C2orf69: variants seen among roughly 807,000 people sequenced by gnomAD.
C2orf69 encodes the protein mitochondrial protein C2orf69.
In C2orf69, 19 loss-of-function variants were observed where a neutral mutation model predicts 29.5. That is an observed-to-expected ratio of 0.65 (90% CI 0.45 to 0.95). C2orf69 has a LOEUF of 0.95. Ranked by LOEUF, C2orf69 falls within the 40% of genes least tolerant of loss-of-function variation. The pLI, the probability that C2orf69 is intolerant of heterozygous loss-of-function variation, is 0.00. For missense variants in C2orf69, 416 were observed against 482.1 expected (o/e 0.86, Z 1.28); for synonymous variants, 194 against 180.0 (o/e 1.08, Z -0.62).
At chr2:199,920,699 G>A (rs1287501528) in intron 1 of C2orf69, among the ~76,000 whole-genome samples, 3 of 151,948 alleles carry the variant, frequency 2.0e-5, no homozygotes, top group Non-Finnish European at 4.4e-5. Flanking sequence ...GCTCATGCCT[G>A]TAATCCCAGC....
chr2:199,925,050 C>G lies in C2orf69; in HGVS notation c.334-12C>G. The G allele has an allele frequency of 6.8e-7, 1 of 1,477,770 alleles. No homozygotes were observed. 91.5% of individuals were successfully genotyped at this position (1,477,770 alleles called of 1,614,324 possible). ...TGTATTTAATACTTATTTCATCTTT[C>G]TTACCTTTCAGAATTACCATGAAAT... On this transcript the variant is annotated splice_polypyrimidine_tract_variant and intron_variant, in intron 1 of 1. Coordinates refer to ENST00000319974, the MANE Select transcript of C2orf69 (RefSeq NM_153689.6). This position sits in a 1 kb window ranked among gnomAD's most constrained non-coding sequence, Gnocchi z 4.9.
intron 1 of C2orf69, among the ~76,000 whole-genome samples, chr2:199,913,241 T>TG (rs2077277348): frequency 3.2e-5 from 1 of 31,142 alleles, no homozygotes; most frequent in Non-Finnish European, 5.8e-5. Context: ...ATAATATATA[T>TG]AATATATATT....
chr2:199,925,187 C>A lies in C2orf69; in HGVS notation c.459C>A (p.Ser153=). The A allele has an allele frequency of 6.2e-7, 1 of 1,612,670 alleles. No homozygotes were observed. The highest frequency in any genetic ancestry group is 8.5e-7 in the Non-Finnish European group (1 of 1,179,716). Residue 153 remains serine, a synonymous_variant, in exon 2 of 2, where the codon TCC becomes TCA. Transcript: ENST00000319974. The surrounding 1 kb of genome is among the most constrained non-coding windows in gnomAD (Gnocchi z 4.9). ...PNSYIWVIKC[S]RMHLHKFSCY... ...GTTATATTTGGGTGATAAAATGTTCCCGAATGCATTTGCACAAATTCAGCT... is the reference window on the plus strand; with the variant it reads ...GTTATATTTGGGTGATAAAATGTTCACGAATGCATTTGCACAAATTCAGCT...
chr2:199,917,768 T>C (rs2077298996), intron 1 of C2orf69, among the ~76,000 whole-genome samples: 2 of 152,232 alleles, frequency 1.3e-5, no homozygotes, highest in African/African-American at 4.8e-5. Context: ...AGCTCCAAAG[T>C]TGCTTCCACA....
chr2:199,916,455 C>CA (rs2077293222), intron 1 of C2orf69, among the ~76,000 whole-genome samples: 1 of 152,192 alleles, frequency 6.6e-6, no homozygotes, highest in African/African-American at 2.4e-5. Flanking sequence ...AACAGTTCCC[C>CA]AAAGTCTTAA....
At chr2:199,922,581 A>C (rs905535952) in intron 1 of C2orf69, among the ~76,000 whole-genome samples, 10 of 152,214 alleles carry the variant, frequency 6.6e-5, no homozygotes, top group African/African-American at 2.4e-4. Context: ...AGAATTACTA[A>C]GTCAAAAGGA....
In C2orf69 at chr2:199,926,062, G is replaced by T. The variant is rs1321370236; in HGVS notation, c.*176G>T. ...GCAATAGTATTTTTTGCTTGTGAAT[G>T]TGAGCAGTTATTAATTTGGATTGAG... On this transcript the variant is annotated 3_prime_UTR_variant, in exon 2 of 2. Transcript: ENST00000319974. 2 of 551,242 alleles carry T rather than the reference G, an allele frequency of 3.6e-6. No individual in the cohort carries two copies. The highest frequency in any genetic ancestry group is 6.4e-6 in the Non-Finnish European group (2 of 310,598). 34.1% of individuals were successfully genotyped at this position (551,242 alleles called of 1,614,324 possible). A position where few individuals can be genotyped will look rare whatever the true frequency, so the allele number is the denominator to read the frequency against.
In C2orf69 at chr2:199,911,309, T is replaced by C. The variant is rs1034571173; in HGVS notation, c.-130T>C. Reference sequence around the variant, plus strand: ...GACGTCGGCCTCTGACGTCGTCGCCTCAGCGCCGGCTCCCGGCCGGGCCGC... The same window carrying C: ...GACGTCGGCCTCTGACGTCGTCGCCCCAGCGCCGGCTCCCGGCCGGGCCGC... On this transcript the variant is annotated 5_prime_UTR_variant, in exon 1 of 2. Transcript: ENST00000319974. 2 of 1,173,876 alleles carry C rather than the reference T, an allele frequency of 1.7e-6. No homozygotes were observed. The highest frequency in any genetic ancestry group is 2.2e-6 in the Non-Finnish European group (2 of 894,560). The allele number at this position is 1,173,876 out of a possible 1,614,324, so 72.7% of individuals were successfully genotyped here.
At chr2:199,914,445 C>T (rs1249826019) in intron 1 of C2orf69, among the ~76,000 whole-genome samples, 4 of 152,032 alleles carry the variant, frequency 2.6e-5, no homozygotes, top group Non-Finnish European at 5.9e-5. Context: ...TCTTTCATAC[C>T]TCATTTCATC....
chr2:199,924,823 G>A (rs973968997), intron 1 of C2orf69, among the ~76,000 whole-genome samples: 1 of 152,050 alleles, frequency 6.6e-6, no homozygotes, highest in Non-Finnish European at 1.5e-5. Flanking sequence ...ACTGTTTCAT[G>A]TAGGTATAAC....
Position 199,911,542 on chromosome 2 carries a change from C to T in C2orf69, c.104C>T (p.Pro35Leu). The change falls in exon 1 of 2, where the codon CCG (proline) becomes CTG (leucine). Residue 35 changes from proline to leucine, a missense_variant. By Grantham distance (98) the Pro-to-Leu change is moderately conservative (BLOSUM62 -3). Transcript: ENST00000319974. ...SSCSQARTMN[P>L]GGSGGARCSL... ...TGCTCTCAGGCCAGAACCATGAACCCGGGCGGCAGCGGCGGCGCGCGATGC... is the reference window on the plus strand; with the variant it reads ...TGCTCTCAGGCCAGAACCATGAACCTGGGCGGCAGCGGCGGCGCGCGATGC... 2 of 1,549,742 alleles carry T rather than the reference C, an allele frequency of 1.3e-6. No homozygotes were observed. The highest frequency in any genetic ancestry group is 1.2e-5 in the South Asian group (1 of 84,030).
rs1553566021 is a variant in C2orf69 at position 199,922,031 on chromosome 2, T to TCATATATATATATATATATATATA, written c.334-3031_334-3030insCATATATATATATATATATATATA. ...TTCCCCAAGGCTGCCACTGTTATTT[T>TCATATATATATATATATATATATA]TATATATATATATATATATATATGC... On this transcript the variant is annotated intron_variant, in intron 1 of 1. Coordinates refer to ENST00000319974, the MANE Select transcript of C2orf69 (RefSeq NM_153689.6). Among the ~76,000 whole-genome samples the TCATATATATATATATATATATATA allele has an allele frequency of 3.8e-5, 3 of 78,970 alleles. No homozygotes were observed. In the East Asian group the frequency reaches 1.4e-3, roughly 38 times the overall value. The allele number at this position is 78,970 out of a possible 152,430, so 51.8% of individuals were successfully genotyped here. A position where few individuals can be genotyped will look rare whatever the true frequency, so the allele number is the denominator to read the frequency against.
rs148460951 is a variant in C2orf69 at position 199,915,806 on chromosome 2, C to T, written c.333+4035C>T. 8.1e-3 allele frequency among the ~76,000 whole-genome samples: 1,240 copies of T among 152,234 alleles called. 16 individuals are homozygous for T. Among genetic ancestry groups the T allele is most frequent in the African/African-American group, 0.028 (1,147 of 41,546 alleles). ...TGCTGGGATTATAGATGTGAGCCAC[C>T]GCACCTGGCCTGAAGCTTCACCTAT... On this transcript the variant is annotated intron_variant, in intron 1 of 1. Transcript: ENST00000319974.
intron 1 of C2orf69, among the ~76,000 whole-genome samples, chr2:199,922,869 C>G (rs2077322321): frequency 6.6e-6 from 1 of 152,208 alleles, no homozygotes; most frequent in Admixed American, 6.5e-5. Flanking sequence ...AAGCATATAT[C>G]AGCCCTTGGC....
At chr2:199,923,717 A>G (rs1361027229) in intron 1 of C2orf69, among the ~76,000 whole-genome samples, 1 of 152,262 alleles carries the variant, frequency 6.6e-6, no homozygotes, top group Non-Finnish European at 1.5e-5. Context: ...TTTTGGATAT[A>G]TTTAGCTCAA....
chr2:199,917,728 A>G (rs1273535817), intron 1 of C2orf69, among the ~76,000 whole-genome samples: 1 of 152,164 alleles, frequency 6.6e-6, no homozygotes, highest in Non-Finnish European at 1.5e-5. Flanking sequence ...TCTGAGCCCT[A>G]CAGACTGTTC....
intron 1 of C2orf69, among the ~76,000 whole-genome samples, chr2:199,913,194 A>T (rs74182322): frequency 1.1e-5 from 1 of 93,222 alleles, no homozygotes; most frequent in African/African-American, 4.4e-5. Context: ...TATATATATT[A>T]TATATAATAT....
chr2:199,912,739 C>A (rs1384270658), intron 1 of C2orf69, among the ~76,000 whole-genome samples: 3 of 152,058 alleles, frequency 2.0e-5, no homozygotes, highest in Admixed American at 2.0e-4. Context: ...CTCCCGGGCT[C>A]AAGTGATTCT....
Position 199,925,361 on chromosome 2 carries a change from T to A in C2orf69, c.633T>A (p.Asn211Lys). Reference sequence around the variant, plus strand: ...CAAAGAAAAGTTTGAATGTTTGGAATAAGGACTCCATAGCATCTAACTGTA... The same window carrying A: ...CAAAGAAAAGTTTGAATGTTTGGAAAAAGGACTCCATAGCATCTAACTGTA... ...SLSKKSLNVW[N>K]KDSIASNCRS... Residue 211 changes from asparagine (N) to lysine (K), a missense_variant, in exon 2 of 2, where the codon AAT (asparagine) becomes AAA (lysine). By Grantham distance (94) the Asn-to-Lys change is moderately conservative (BLOSUM62 0). This residue lies in a region of C2orf69 where 225 missense variants were observed against 307.3 expected (regional missense o/e 0.73). Transcript: ENST00000319974. The surrounding 1 kb of genome is among the most constrained non-coding windows in gnomAD (Gnocchi z 4.9). The A allele has an allele frequency of 6.2e-7, 1 of 1,613,614 alleles. No homozygotes were observed. Among genetic ancestry groups the A allele is most frequent in the Non-Finnish European group, 8.5e-7 (1 of 1,179,702 alleles).
Sources: allele counts gnomAD v4.1 joint callset (sites outside exome capture counted in the v4.1 genomes callset), GRCh38; gene constraint gnomAD v4.1.1; regional missense constraint gnomAD v4.1.1; non-coding constraint Gnocchi (gnomAD v3.1); transcripts MANE v1.5; gene names NCBI Gene and HGNC (gene_info 2026-07-23, HGNC 2026-07-21).